Variants in KLHDC10 observed in about 807,000 individuals in gnomAD.
KLHDC10 encodes kelch domain-containing protein 10.
A neutral mutation model predicts 56.1 loss-of-function variants in KLHDC10; 24 were observed. The observed-to-expected ratio is 0.43, with a 90% confidence interval of 0.31 to 0.60. KLHDC10 has a LOEUF of 0.60. Ranked by LOEUF, KLHDC10 falls within the 20% of genes least tolerant of loss-of-function variation. KLHDC10 has a pLI of 0.11. For synonymous variants in KLHDC10, 188 were observed against 207.1 expected (o/e 0.91, Z 0.79); for missense variants, 349 against 567.0 (o/e 0.62, Z 3.91).
intron 8 of KLHDC10, 102 bp from the exon 9 acceptor site, chr7:130,129,335 T>C: frequency 7.3e-7 from 1 of 1,361,508 alleles, no homozygotes; most frequent in South Asian, 1.4e-5. Context: ...GGCAATCCAC[T>C]TCACTGGCCG....
chr7:130,122,313 G>A, intron 5 of KLHDC10, 111 bp downstream of exon 5: 1 of 1,000,588 alleles, frequency 1.0e-6, no homozygotes, highest in Non-Finnish European at 1.4e-6. Flanking sequence ...ATAACTAACT[G>A]GCTGTTGGAT....
At chr7:130,125,792 A>T (rs1796307741) in intron 6 of KLHDC10, 73 bp from the exon 7 acceptor site, 2 of 1,201,154 alleles carry the variant, frequency 1.7e-6, no homozygotes, top group African/African-American at 1.6e-5. Context: ...TCTATTTTTT[A>T]AAAAATCCTT....
At chr7:130,124,254 A>C (rs1218411965) in intron 5 of KLHDC10, among the ~76,000 whole-genome samples, 197 bp from the exon 6 acceptor site, 4 of 152,072 alleles carry the variant, frequency 2.6e-5, no homozygotes, top group African/African-American at 9.7e-5. Flanking sequence ...TCTGGTGCCT[A>C]CTCTGTTACT....
intron 1 of KLHDC10, among the ~76,000 whole-genome samples, chr7:130,095,922 T>G (rs77161130): frequency 0.014 from 2,096 of 152,308 alleles, 48 homozygotes; most frequent in African/African-American, 0.047. Flanking sequence ...AAGTATTTTG[T>G]TAGCTCCTGT....
chr7:130,076,486 T>C (rs1795505368), intron 1 of KLHDC10, among the ~76,000 whole-genome samples: 1 of 152,214 alleles, frequency 6.6e-6, no homozygotes, highest in Non-Finnish European at 1.5e-5. Context: ...TTATCAGTCT[T>C]TTCAGAGTCT....
At position 130,128,919 on chromosome 7, in the gene KLHDC10, T is replaced by C. The variant is rs11766103; in HGVS notation, c.980-518T>C. Among the ~76,000 whole-genome samples, 611 of 115,548 alleles carry C rather than the reference T, an allele frequency of 5.3e-3. 24 individuals are homozygous for C. Among genetic ancestry groups the C allele is most frequent in the African/African-American group, 0.014 (392 of 28,514 alleles). 75.8% of individuals were successfully genotyped at this position (115,548 alleles called of 152,430 possible). ...ATATATATATATATATATATATATATACATACTAGCCAAAACTTAAAAATC... is the reference window on the plus strand; with the variant it reads ...ATATATATATATATATATATATATACACATACTAGCCAAAACTTAAAAATC... On this transcript the variant is annotated intron_variant, in intron 8 of 9. Coordinates refer to ENST00000335420, the MANE Select transcript of KLHDC10 (RefSeq NM_014997.4).
intron 3 of KLHDC10, among the ~76,000 whole-genome samples, chr7:130,119,843 T>TAAA (rs72549928): frequency 4.9e-4 from 38 of 76,908 alleles, no homozygotes; most frequent in African/African-American, 1.6e-3. Flanking sequence ...GACTCCGTCT[T>TAAA]AAAAAAAAAA....
intron 2 of KLHDC10, among the ~76,000 whole-genome samples, chr7:130,114,083 G>A (rs893403425): frequency 7.9e-5 from 12 of 152,026 alleles, no homozygotes; most frequent in African/African-American, 2.2e-4. Context: ...CTTCCCTGTC[G>A]CTGTTTACTT....
chr7:130,128,812 G>T (rs1796347170), intron 8 of KLHDC10, among the ~76,000 whole-genome samples: 1 of 146,254 alleles, frequency 6.8e-6, no homozygotes, highest in Admixed American at 6.8e-5. Flanking sequence ...GGCTGAGGCG[G>T]GAGGGTCACT....
intron 1 of KLHDC10, among the ~76,000 whole-genome samples, chr7:130,082,391 A>G (rs866752783): frequency 2.0e-5 from 3 of 152,182 alleles, no homozygotes; most frequent in South Asian, 4.1e-4. Context: ...AAAGACAGCT[A>G]TATCAACATT....
intron 1 of KLHDC10, among the ~76,000 whole-genome samples, chr7:130,083,774 T>G (rs1795642263): frequency 1.3e-5 from 2 of 152,130 alleles, no homozygotes; most frequent in South Asian, 4.1e-4. Context: ...ACAAATGACT[T>G]ATGTGTGTCA....
At chr7:130,092,450 T>A (rs1795788215) in intron 1 of KLHDC10, among the ~76,000 whole-genome samples, 1 of 152,236 alleles carries the variant, frequency 6.6e-6, no homozygotes. Flanking sequence ...TTAGCCTTGC[T>A]GTGAGTGTTA....
chr7:130,115,005 G>A (rs1796148345), intron 2 of KLHDC10, among the ~76,000 whole-genome samples: 3 of 152,150 alleles, frequency 2.0e-5, no homozygotes, highest in Non-Finnish European at 2.9e-5. Flanking sequence ...TAACAGGTTG[G>A]ACGTGAGTGA....
intron 1 of KLHDC10, among the ~76,000 whole-genome samples, chr7:130,078,433 C>T (rs1795547464): frequency 6.6e-6 from 1 of 152,090 alleles, no homozygotes; most frequent in Non-Finnish European, 1.5e-5. Flanking sequence ...CTATGTTGCC[C>T]AGGCTGATCT....
At chr7:130,085,857 T>A (rs1243172388) in intron 1 of KLHDC10, among the ~76,000 whole-genome samples, 2 of 137,080 alleles carry the variant, frequency 1.5e-5, no homozygotes, top group African/African-American at 2.7e-5. Flanking sequence ...AAAAAAAAAA[T>A]TAACAACAAC....
Position 130,097,006 on chromosome 7 carries a change from A to G in KLHDC10, c.252A>G (p.Arg84=). The G allele has an allele frequency of 3.1e-6, 5 of 1,597,774 alleles. No homozygotes were observed. Among genetic ancestry groups the G allele is most frequent in the Non-Finnish European group, 4.3e-6 (5 of 1,168,252 alleles). The change falls in exon 2 of 10, where the codon AGA becomes AGG. Residue 84 remains arginine, a splice_region_variant and synonymous_variant. Transcript: ENST00000335420. ...TAAGGATCCCTAACAGGTTTTTGAG[A>G]GGTGGGTGATAATTAGCAAGAGATC... The part of the protein sequence containing the change: ...PIIRIPNRFL[R]GHRPPPARSG...
At chr7:130,119,454 G>T (rs575109359) in intron 3 of KLHDC10, among the ~76,000 whole-genome samples, 1 of 149,732 alleles carries the variant, frequency 6.7e-6, no homozygotes, top group African/African-American at 2.5e-5. Context: ...CAAGGCTGCA[G>T]TAAGCCGTGA....
intron 2 of KLHDC10, among the ~76,000 whole-genome samples, chr7:130,109,804 A>G (rs1416160337): frequency 6.6e-6 from 1 of 151,906 alleles, no homozygotes; most frequent in East Asian, 1.9e-4. Flanking sequence ...ACGCGTGGCT[A>G]ATTTTTGTAT....
chr7:130,095,645 A>T (rs1357010868), intron 1 of KLHDC10, among the ~76,000 whole-genome samples: 2 of 152,202 alleles, frequency 1.3e-5, no homozygotes, highest in African/African-American at 4.8e-5. Context: ...CCATTTCATT[A>T]TACAGAATCT....
Sources: gnomAD v4.1 joint callset for allele counts (sites outside exome capture counted in the v4.1 genomes callset) on GRCh38, gnomAD v4.1.1 for gene constraint, MANE v1.5 for transcripts, NCBI Gene and HGNC (gene_info 2026-07-23, HGNC 2026-07-21) for gene names.